The following ETV6 variants were observed in gnomAD, a reference collection of about 807,000 sequenced individuals.
The protein encoded by ETV6 is ETS variant transcription factor 6.
In ETV6, 16 loss-of-function variants were observed where a neutral mutation model predicts 51.1. The ratio of observed to expected loss-of-function variants is 0.31; its 90% confidence interval spans 0.21 to 0.48. ETV6 has a LOEUF of 0.48. Among genes scored for constraint, ETV6 ranks in the 20% least tolerant of loss-of-function variants. The pLI is 0.99. For synonymous variants in ETV6, 240 were observed against 224.1 expected (o/e 1.07, Z -0.64); for missense variants, 458 against 594.8 (o/e 0.77, Z 2.39).
chr12:11,799,680 G>A (rs896355869), intron 2 of ETV6, among the ~76,000 whole-genome samples: 13 of 152,168 alleles, frequency 8.5e-5, no homozygotes, highest in African/African-American at 2.9e-4. Context: ...TGAAGTCCTC[G>A]TTAATACCTC....
At chr12:11,711,546 T>G (rs962892126) in intron 1 of ETV6, among the ~76,000 whole-genome samples, 1 of 152,264 alleles carries the variant, frequency 6.6e-6, no homozygotes, top group African/African-American at 2.4e-5. Flanking sequence ...TATATAGAGA[T>G]ACTGTTTCTA....
chr12:11,702,411 C>T (rs951741577), intron 1 of ETV6, among the ~76,000 whole-genome samples: 2 of 152,188 alleles, frequency 1.3e-5, no homozygotes, highest in Non-Finnish European at 2.9e-5. Context: ...GATAGCTGGA[C>T]AGGTTCCTAC....
At chr12:11,675,688 C>T (rs975050702) in intron 1 of ETV6, among the ~76,000 whole-genome samples, 1 of 152,164 alleles carries the variant, frequency 6.6e-6, no homozygotes, top group Non-Finnish European at 1.5e-5. Context: ...GTAATGTGTG[C>T]CTGTAGTCCC....
At chr12:11,654,730 TA>T (rs1291897417) in intron 1 of ETV6, among the ~76,000 whole-genome samples, 1 of 152,192 alleles carries the variant, frequency 6.6e-6, no homozygotes, top group Non-Finnish European at 1.5e-5. Context: ...TATATATATA[TA>T]TTTTTTACAG....
intron 2 of ETV6, among the ~76,000 whole-genome samples, chr12:11,765,257 T>C (rs775696829): frequency 2.0e-5 from 3 of 152,188 alleles, no homozygotes; most frequent in Non-Finnish European, 4.4e-5. Context: ...TTCAGAGCCC[T>C]GGCACATACA....
At chr12:11,808,437 CAAAA>C (rs1945862242) in intron 2 of ETV6, among the ~76,000 whole-genome samples, 3 of 134,414 alleles carry the variant, frequency 2.2e-5, no homozygotes, top group Admixed American at 2.2e-4. Context: ...TTCAGAAAAA[CAAAA>C]AACAAAAAAA....
intron 2 of ETV6, among the ~76,000 whole-genome samples, chr12:11,767,585 T>C (rs1430388342): frequency 1.3e-5 from 2 of 152,222 alleles, no homozygotes; most frequent in African/African-American, 4.8e-5. Flanking sequence ...CAGTTGCCTG[T>C]GACTTGGTAT....
chr12:11,712,816 A>G (rs543891895), intron 1 of ETV6, among the ~76,000 whole-genome samples: 16 of 152,194 alleles, frequency 1.1e-4, no homozygotes, highest in Non-Finnish European at 1.5e-4. Context: ...GTCCTAGTCA[A>G]GTTGACACCT....
chr12:11,696,108 C>T (rs761720798), intron 1 of ETV6, among the ~76,000 whole-genome samples: 47 of 152,138 alleles, frequency 3.1e-4, no homozygotes, highest in African/African-American at 6.5e-4. Flanking sequence ...TTTATTAACA[C>T]GTGCAGCACA....
intron 1 of ETV6, among the ~76,000 whole-genome samples, chr12:11,707,607 G>A (rs370130300): frequency 6.6e-6 from 1 of 152,106 alleles, no homozygotes. Context: ...TTTAGTGTAT[G>A]GAAAGAATGA....
intron 1 of ETV6, among the ~76,000 whole-genome samples, chr12:11,745,770 C>A (rs1259956562): frequency 6.6e-6 from 1 of 152,174 alleles, no homozygotes; most frequent in Non-Finnish European, 1.5e-5. Flanking sequence ...CAGATAAGAA[C>A]AAGGGAAATG....
At chr12:11,683,700 C>T (rs755519596) in intron 1 of ETV6, among the ~76,000 whole-genome samples, 33 of 152,202 alleles carry the variant, frequency 2.2e-4, no homozygotes, top group Non-Finnish European at 4.4e-4. Context: ...CCTCAAGGAA[C>T]TGAGAGCAAA....
intron 5 of ETV6, among the ~76,000 whole-genome samples, chr12:11,881,142 T>G (rs113180757): frequency 0.011 from 1,717 of 152,274 alleles, 41 homozygotes; most frequent in African/African-American, 0.04. Flanking sequence ...CTCGTTATGT[T>G]GCCTGGGCTG....
Position 11,869,464 on chromosome 12 carries a change from T to A in ETV6, c.504T>A (p.Asn168Lys). 6.2e-7 allele frequency: 1 copy of A among 1,613,878 alleles called. No individual in the cohort carries two copies. Among genetic ancestry groups the A allele is most frequent in the Non-Finnish European group, 8.5e-7 (1 of 1,179,934 alleles). Reference protein sequence around the residue: ...VQRTPRPSVDNVHHNPPTIEL... With the variant: ...VQRTPRPSVDKVHHNPPTIEL... ...GGACCCCCAGGCCATCCGTGGATAATGTGCACCATAACCCTCCCACCATTG... is the reference window on the plus strand; with the variant it reads ...GGACCCCCAGGCCATCCGTGGATAAAGTGCACCATAACCCTCCCACCATTG... Residue 168 changes from asparagine (N) to lysine (K), a missense_variant, in exon 5 of 8, where the codon AAT becomes AAA. This residue lies in a region of ETV6 where 293 missense variants were observed against 315.7 expected (regional missense o/e 0.93). Coordinates refer to ENST00000396373, the MANE Select transcript of ETV6 (RefSeq NM_001987.5). This position sits in a 1 kb window ranked among gnomAD's most constrained non-coding sequence, Gnocchi z 5.0.
chr12:11,800,489 A>G (rs1945730776), intron 2 of ETV6, among the ~76,000 whole-genome samples: 2 of 152,180 alleles, frequency 1.3e-5, no homozygotes, highest in Admixed American at 6.5e-5. Flanking sequence ...ACCGTGTTAT[A>G]CAACAGATCT....
chr12:11,769,131 T>C (rs763740222), intron 2 of ETV6, among the ~76,000 whole-genome samples: 1 of 152,240 alleles, frequency 6.6e-6, no homozygotes, highest in Non-Finnish European at 1.5e-5. Flanking sequence ...GGTAAATATC[T>C]AAAACTTACA....
chr12:11,849,156 G>A (rs1185939790), intron 3 of ETV6, among the ~76,000 whole-genome samples: 1 of 152,088 alleles, frequency 6.6e-6, no homozygotes, highest in Non-Finnish European at 1.5e-5. Flanking sequence ...TCTCATGCAG[G>A]CTGGAGTGCA....
chr12:11,827,527 C>T (rs1415327755), intron 2 of ETV6, among the ~76,000 whole-genome samples: 1 of 152,148 alleles, frequency 6.6e-6, no homozygotes, highest in Non-Finnish European at 1.5e-5. Flanking sequence ...TTCGCACTCC[C>T]TTCTCCCAGC....
intron 2 of ETV6, among the ~76,000 whole-genome samples, chr12:11,776,787 C>T (rs1206527302): frequency 6.6e-6 from 1 of 152,174 alleles, no homozygotes; most frequent in Non-Finnish European, 1.5e-5. Flanking sequence ...CTCTTTGGCT[C>T]ACTAATTCCT....
Sources: gnomAD v4.1 joint callset for allele counts (sites outside exome capture counted in the v4.1 genomes callset) on GRCh38, gnomAD v4.1.1 for gene constraint, gnomAD v4.1.1 regional missense constraint, Gnocchi (gnomAD v3.1) non-coding constraint, MANE v1.5 for transcripts, NCBI Gene and HGNC (gene_info 2026-07-23, HGNC 2026-07-21) for gene names.